The following PHACTR4 variants were observed in gnomAD, a reference collection of about 807,000 sequenced individuals.
The protein encoded by PHACTR4 is phosphatase and actin regulator 4, also known as protein phosphatase 1, regulatory subunit 124.
PHACTR4 carries 51 observed loss-of-function variants against 72.7 expected under a neutral mutation model. The observed-to-expected ratio is 0.70, with a 90% CI of 0.56 to 0.89. The LOEUF (loss-of-function observed/expected upper bound fraction) is 0.89. Ranked by LOEUF, PHACTR4 falls within the 40% of genes least tolerant of loss-of-function variation. The pLI, the probability that PHACTR4 is intolerant of heterozygous loss-of-function variation, is 0.00. For synonymous variants in PHACTR4, 255 were observed against 302.5 expected (o/e 0.84, Z 1.63); for missense variants, 731 against 861.8 (o/e 0.85, Z 1.90).
intron 1 of PHACTR4, among the ~76,000 whole-genome samples, chr1:28,406,350 C>T (rs1012266035): frequency 3.3e-5 from 5 of 151,806 alleles, no homozygotes; most frequent in Non-Finnish European, 7.4e-5. Flanking sequence ...TGAATAAGTA[C>T]AGACTGCCCT....
intron 2 of PHACTR4, among the ~76,000 whole-genome samples, chr1:28,456,465 C>T (rs990798556): frequency 3.2e-4 from 49 of 152,088 alleles, no homozygotes; most frequent in Admixed American, 3.3e-4. Context: ...GAGATTTGAG[C>T]GGGACACATA....
rs748542758 is a variant in PHACTR4 at position 28,473,512 on chromosome 1, T to C, written c.824-42T>C. 3.4e-6 allele frequency: 5 copies of C among 1,470,830 alleles called. No homozygotes were observed. In the South Asian group the frequency reaches 3.7e-5, roughly 11 times the overall value. 91.1% of individuals were successfully genotyped at this position (1,470,830 alleles called of 1,614,324 possible). On this transcript the variant is annotated intron_variant, in intron 6 of 13. Coordinates refer to ENST00000373839, the MANE Select transcript of PHACTR4 (RefSeq NM_001048183.3). ...GGCCCTGGGCCGGCCCTTCAAAGCATTGGAAAGTCGTGAAATTGATGTGTT... is the reference window on the plus strand; with the variant it reads ...GGCCCTGGGCCGGCCCTTCAAAGCACTGGAAAGTCGTGAAATTGATGTGTT...
intron 9 of PHACTR4, among the ~76,000 whole-genome samples, chr1:28,480,978 A>G (rs531530989): frequency 6.6e-6 from 1 of 151,758 alleles, no homozygotes; most frequent in East Asian, 1.9e-4. Flanking sequence ...ATGAGCCCCT[A>G]TACCTAGTCT....
chr1:28,394,510 C>T (rs765507393), intron 1 of PHACTR4, among the ~76,000 whole-genome samples: 1 of 151,890 alleles, frequency 6.6e-6, no homozygotes, highest in Admixed American at 6.6e-5. Flanking sequence ...GGGCTGGTCT[C>T]AAGCTCCTGG....
chr1:28,484,089 G>A (rs114556918), intron 9 of PHACTR4, among the ~76,000 whole-genome samples: 3,012 of 152,198 alleles, frequency 0.02, 95 homozygotes, highest in African/African-American at 0.068. Context: ...TTTGAAGGCC[G>A]AGGCAGGTGG....
intron 2 of PHACTR4, among the ~76,000 whole-genome samples, chr1:28,411,856 A>C (rs1569866761): frequency 6.9e-6 from 1 of 144,976 alleles, no homozygotes; most frequent in East Asian, 1.9e-4. Flanking sequence ...CCCAAAAGAA[A>C]GAAAGAAAGA....
chr1:28,370,323 A>G (rs1279590254), intron 1 of PHACTR4, among the ~76,000 whole-genome samples: 1 of 151,736 alleles, frequency 6.6e-6, no homozygotes, highest in African/African-American at 2.4e-5. Context: ...AAAAACCTGG[A>G]GGTTATTATT....
chr1:28,485,371 G>A (rs1203386567), intron 9 of PHACTR4, among the ~76,000 whole-genome samples: 1 of 152,104 alleles, frequency 6.6e-6, no homozygotes, highest in Admixed American at 6.6e-5. Context: ...GGCAGATCAC[G>A]AGGTCAGGAG....
At chr1:28,410,576 G>T (rs987474024) in intron 2 of PHACTR4, among the ~76,000 whole-genome samples, 1 of 152,084 alleles carries the variant, frequency 6.6e-6, no homozygotes, top group Non-Finnish European at 1.5e-5. Flanking sequence ...GAGTATCAAC[G>T]TGAGAGTTGC....
chr1:28,436,299 A>G (rs902845477), intron 2 of PHACTR4, among the ~76,000 whole-genome samples: 2 of 151,870 alleles, frequency 1.3e-5, no homozygotes, highest in African/African-American at 4.8e-5. Context: ...GACAGGGCTC[A>G]CTGTGTTGCC....
chr1:28,480,561 G>A lies in PHACTR4; in HGVS notation c.1717G>A (p.Glu573Lys). The A allele has an allele frequency of 6.2e-7, 1 of 1,614,204 alleles. No homozygotes were observed. Among genetic ancestry groups the A allele is most frequent in the Non-Finnish European group, 8.5e-7 (1 of 1,180,040 alleles). ...LNSWPCKSKEEWNEIRHQIGN... is the reference protein window; with the variant it reads ...LNSWPCKSKEKWNEIRHQIGN... ...TTCTTGGCCTTGTAAAAGCAAGGAG[G>A]AGTGGAATGAAATACGGCACCAGAT... The change falls in exon 9 of 14, where the codon GAG (glutamate) becomes AAG (lysine). Residue 573 changes from glutamate (E) to lysine (K), a missense_variant. By Grantham distance (56) the Glu-to-Lys change is moderately conservative. Around this residue, in one of 2 missense-constraint regions of PHACTR4, gnomAD observed 110 missense variants for 185.2 expected, o/e 0.59. Coordinates refer to ENST00000373839, the MANE Select transcript of PHACTR4 (RefSeq NM_001048183.3).
In PHACTR4 at chr1:28,423,178, G is replaced by T. The variant is rs536836732; in HGVS notation, c.16+15715G>T. 9.2e-5 allele frequency among the ~76,000 whole-genome samples: 14 copies of T among 152,278 alleles called. No homozygotes were observed. In the East Asian group the frequency reaches 2.5e-3, roughly 27 times the overall value. The stretch of plus-strand genomic sequence containing the variant: ...CTGTAATCCCAGCACTCTGGGAGGC[G>T]GGAGGATCCCTTGAGCCCAGGAGTT... On this transcript the variant is annotated intron_variant, in intron 2 of 13. Coordinates refer to ENST00000373839, the MANE Select transcript of PHACTR4 (RefSeq NM_001048183.3).
At chr1:28,385,167 C>T (rs1557777643) in intron 1 of PHACTR4, among the ~76,000 whole-genome samples, 1 of 152,098 alleles carries the variant, frequency 6.6e-6, no homozygotes. Flanking sequence ...AGCTGTGTCC[C>T]AGAGATTCTG....
intron 1 of PHACTR4, among the ~76,000 whole-genome samples, chr1:28,379,655 T>C (rs1363131315): frequency 6.7e-6 from 1 of 149,786 alleles, no homozygotes; most frequent in East Asian, 2.0e-4. Context: ...AGTGGCACAA[T>C]CTCGGCTCAG....
intron 2 of PHACTR4, among the ~76,000 whole-genome samples, chr1:28,451,951 T>G (rs1345325179): frequency 2.6e-5 from 4 of 152,140 alleles, no homozygotes; most frequent in African/African-American, 9.7e-5. Flanking sequence ...ATTTATGCAT[T>G]CTTCAAAACT....
intron 6 of PHACTR4, among the ~76,000 whole-genome samples, chr1:28,467,569 T>C (rs1659275999): frequency 6.6e-6 from 1 of 152,154 alleles, no homozygotes; most frequent in Non-Finnish European, 1.5e-5. Flanking sequence ...AAACTACCTA[T>C]GCCTTCCATA....
intron 8 of PHACTR4, among the ~76,000 whole-genome samples, chr1:28,477,152 C>A (rs1412366706): frequency 1.3e-5 from 2 of 149,284 alleles, no homozygotes; most frequent in Non-Finnish European, 1.5e-5. Context: ...GGGGCACGAT[C>A]TCAACTCACT....
rs538772292 is a variant in PHACTR4 at position 28,372,829 on chromosome 1, G to A, written c.-39+3004G>A. On this transcript the variant is annotated intron_variant, in intron 1 of 13. Coordinates refer to ENST00000373839, the MANE Select transcript of PHACTR4 (RefSeq NM_001048183.3). ...ATTGCGCCACTGCACTCCAGCCTGG[G>A]CGACAGAGGGAGACTCAGTCTCAAA... 6.0e-5 allele frequency among the ~76,000 whole-genome samples: 9 copies of A among 149,816 alleles called. 2 individuals carry two copies. The highest frequency in any genetic ancestry group is 2.1e-4 in the South Asian group (1 of 4,744).
intron 1 of PHACTR4, among the ~76,000 whole-genome samples, chr1:28,401,433 C>A (rs10902703): frequency 0.39 from 58,295 of 150,952 alleles, 12,920 homozygotes; most frequent in African/African-American, 0.6. Flanking sequence ...CAGCCTCCCA[C>A]GTAGCTGGGA....
Sources: gnomAD v4.1 joint callset for allele counts (sites outside exome capture counted in the v4.1 genomes callset) on GRCh38, gnomAD v4.1.1 for gene constraint, gnomAD v4.1.1 regional missense constraint, MANE v1.5 for transcripts, NCBI Gene and HGNC (gene_info 2026-07-23, HGNC 2026-07-21) for gene names.